Variants in TAF1A observed in about 807,000 individuals in gnomAD.
TAF1A encodes TATA box-binding protein-associated factor RNA polymerase I subunit A.
A neutral mutation model predicts 61.6 loss-of-function variants in TAF1A; 42 were observed. That is an observed-to-expected ratio of 0.68 (90% CI 0.53 to 0.88). TAF1A has a LOEUF of 0.88. Among genes scored for constraint, TAF1A ranks in the 40% least tolerant of loss-of-function variants. TAF1A has a pLI of 0.00. For missense variants in TAF1A, 424 were observed against 518.7 expected, an observed-to-expected ratio of 0.82 and a Z score of 1.77; for synonymous variants, 179 against 177.7, an observed-to-expected ratio of 1.01 and a Z score of -0.06.
chr1:222,569,923 G>A (rs968785810), intron 6 of TAF1A, among the ~76,000 whole-genome samples: 1 of 152,132 alleles, frequency 6.6e-6, no homozygotes, highest in African/African-American at 2.4e-5. Flanking sequence ...TAACCTCAGT[G>A]CCCTACATCA....
intron 7 of TAF1A, among the ~76,000 whole-genome samples, chr1:222,566,115 T>C (rs1485495877): frequency 1.3e-5 from 2 of 152,168 alleles, no homozygotes; most frequent in African/African-American, 4.8e-5. Context: ...AAAGAATTCC[T>C]ATAATTTAAC....
chr1:222,556,304 G>C (rs1659724677), downstream of TAF1A, among the ~76,000 whole-genome samples: 1 of 152,194 alleles, frequency 6.6e-6, no homozygotes, highest in Non-Finnish European at 1.5e-5. Flanking sequence ...CTGGCAGGCA[G>C]AAATGAGCAG....
At chr1:222,554,900 T>C (rs1221265027), downstream of TAF1A, among the ~76,000 whole-genome samples, 1 of 152,162 alleles carries the variant, frequency 6.6e-6, no homozygotes, top group African/African-American at 2.4e-5. Context: ...TCCATATAAT[T>C]AATCAGCTAG....
At position 222,584,297 on chromosome 1, in the gene TAF1A, G is replaced by A. The variant is rs759431509; in HGVS notation, c.122C>T (p.Ala41Val). ...ATCCTTCCTCCTTTTCCCTCCAATG[G>A]CTATAAAAACGAAAAAGAAGAGAGT... ...PWLQTYVETV[A>V]IGGKRRKDFA... Residue 41 changes from alanine to valine, a missense_variant and splice_region_variant, in exon 3 of 11, where the codon GCC becomes GTC. Coordinates refer to ENST00000352967, the MANE Select transcript of TAF1A (RefSeq NM_005681.4). The A allele has an allele frequency of 3.2e-6, 5 of 1,577,830 alleles. No homozygotes were observed. In the Admixed American group the frequency reaches 6.0e-5, roughly 19 times the overall value.
At chr1:222,589,445 C>T (rs2102688726) in intron 1 of TAF1A, among the ~76,000 whole-genome samples, 1 of 152,306 alleles carries the variant, frequency 6.6e-6, no homozygotes. Flanking sequence ...AAGCATGTGG[C>T]TAGGAGTATG....
At chr1:222,589,368 C>G (rs952009646) in intron 1 of TAF1A, among the ~76,000 whole-genome samples, 3 of 152,312 alleles carry the variant, frequency 2.0e-5, no homozygotes, top group South Asian at 4.1e-4. Context: ...CATCAGCTTT[C>G]TAAACAATTA....
At position 222,569,562 on chromosome 1, in the gene TAF1A, T is replaced by C. The variant is rs766588140; in HGVS notation, c.842A>G (p.Asn281Ser). 8 of 1,614,060 alleles carry C rather than the reference T, an allele frequency of 5.0e-6. No individual in the cohort carries two copies. Among genetic ancestry groups the C allele is most frequent in the Non-Finnish European group, 6.8e-6 (8 of 1,179,974 alleles). The change falls in exon 7 of 11, where the codon AAC (asparagine) becomes AGC (serine). Residue 281 changes from asparagine (N) to serine (S), a missense_variant. Transcript: ENST00000352967. The part of the protein sequence containing the change: ...SNPNAHIYLY[N>S]FLKRQKAPRS... The stretch of plus-strand genomic sequence containing the variant: ...TGGTGCCTTCTGTCTCTTTAGAAAG[T>C]TGTATAAGTAGATATGGGCATTTGG...
chr1:222,555,763 A>G (rs144737717), downstream of TAF1A, among the ~76,000 whole-genome samples: 73 of 152,318 alleles, frequency 4.8e-4, 1 homozygote, highest in East Asian at 0.014. Flanking sequence ...GGTAATGAAG[A>G]TATTAATTAG....
In TAF1A at chr1:222,577,589, T is replaced by C. The variant is rs1660624377; in HGVS notation, c.460A>G (p.Lys154Glu). 2 of 1,613,844 alleles carry C rather than the reference T, an allele frequency of 1.2e-6. No individual in the cohort carries two copies. The highest frequency in any genetic ancestry group is 3.3e-5 in the Admixed American group (2 of 59,998). ...GTCTCTGCCTCACTCAGATTTCTCT[T>C]AGCATCTTTAAGCATTCCATGATGC... ...LLHHGMLKDA[K>E]RNLSEAETWR... Residue 154 changes from lysine (K) to glutamate (E), a missense_variant, in exon 5 of 11, where the codon AAG becomes GAG. By Grantham distance (56) the Lys-to-Glu change is moderately conservative. Transcript: ENST00000352967.
intron 3 of TAF1A, among the ~76,000 whole-genome samples, chr1:222,581,417 T>C (rs1165281242): frequency 1.3e-5 from 2 of 152,204 alleles, no homozygotes; most frequent in Non-Finnish European, 2.9e-5. Flanking sequence ...GGTGACTGTG[T>C]TAGTAAAACC....
intron 7 of TAF1A, 133 bp downstream of exon 7, chr1:222,569,375 TTC>T (rs1381335215): frequency 1.3e-6 from 2 of 1,568,074 alleles, no homozygotes; most frequent in South Asian, 1.2e-5. Context: ...GGAGCCAACT[TTC>T]TCTGTTTATC....
At chr1:222,556,179 G>A (rs944538223), downstream of TAF1A, among the ~76,000 whole-genome samples, 1 of 152,196 alleles carries the variant, frequency 6.6e-6, no homozygotes, top group African/African-American at 2.4e-5. Flanking sequence ...GTCATTTAAG[G>A]AATGTAGTGA....
At chr1:222,562,028 C>T (rs73122823) in intron 9 of TAF1A, among the ~76,000 whole-genome samples, 18,512 of 152,168 alleles carry the variant, frequency 0.12, 1,265 homozygotes, top group Middle Eastern at 0.2. Flanking sequence ...TAAAACCTTA[C>T]TTAAAATTAT....
chr1:222,561,260 T>A, intron 10 of TAF1A, 104 bp downstream of exon 10: 2 of 1,195,438 alleles, frequency 1.7e-6, no homozygotes, highest in African/African-American at 1.5e-5. Context: ...AAGCACCTAA[T>A]ATTTTTAGGT....
chr1:222,582,242 G>T (rs1660815965), intron 3 of TAF1A, among the ~76,000 whole-genome samples: 1 of 152,160 alleles, frequency 6.6e-6, no homozygotes, highest in African/African-American at 2.4e-5. Flanking sequence ...CATCACATAG[G>T]AATTTATAGG....
intron 10 of TAF1A, among the ~76,000 whole-genome samples, chr1:222,559,435 G>A (rs1659825512): frequency 6.6e-6 from 1 of 152,166 alleles, no homozygotes; most frequent in African/African-American, 2.4e-5. Flanking sequence ...GGACTGTCAA[G>A]CATTTGTCAA....
chr1:222,588,504 T>C lies in TAF1A; in HGVS notation c.60A>G (p.Thr20=). The change falls in exon 2 of 11, where the codon ACA becomes ACG. Residue 20 remains threonine (T), a synonymous_variant. Coordinates refer to ENST00000352967, the MANE Select transcript of TAF1A (RefSeq NM_005681.4). ...GPVTDDEEVE[T]SVLSGAGMHF... is the part of the protein sequence containing the mutation. Reference sequence around the variant, plus strand: ...GCATTCCTGCACCACTGAGCACAGATGTTTCCACTTCTTCATCATCTGTCA... The same window carrying C: ...GCATTCCTGCACCACTGAGCACAGACGTTTCCACTTCTTCATCATCTGTCA... The C allele has an allele frequency of 1.2e-6, 2 of 1,614,162 alleles. No individual in the cohort carries two copies. The highest frequency in any genetic ancestry group is 1.3e-5 in the African/African-American group (1 of 75,082).
chr1:222,587,826 C>G (rs1377948478), intron 2 of TAF1A, among the ~76,000 whole-genome samples: 1 of 151,980 alleles, frequency 6.6e-6, no homozygotes, highest in African/African-American at 2.4e-5. Context: ...CTGAGGTGGG[C>G]AGGTCACTTG....
intron 8 of TAF1A, 35 bp downstream of exon 8, chr1:222,564,024 T>C: frequency 7.5e-7 from 1 of 1,327,036 alleles, no homozygotes. Flanking sequence ...CTATAGCTTG[T>C]CTACACAAGG....
Sources: allele counts gnomAD v4.1 joint callset (sites outside exome capture counted in the v4.1 genomes callset), GRCh38; gene constraint gnomAD v4.1.1; transcripts MANE v1.5; gene names NCBI Gene and HGNC (gene_info 2026-07-23, HGNC 2026-07-21).